The following PXDNL variants were observed in gnomAD, a reference collection of about 807,000 sequenced individuals.
PXDNL encodes probable oxidoreductase PXDNL.
Under a neutral mutation model 150.8 loss-of-function variants are expected in PXDNL, and 145 were observed. The ratio of observed to expected loss-of-function variants is 0.96; its 90% CI spans 0.84 to 1.10. The LOEUF (loss-of-function observed/expected upper bound fraction) is 1.10, where lower values mean the gene tolerates loss of function less well. PXDNL is among the 50% of genes least tolerant of loss of function. PXDNL has a pLI of 0.00. For synonymous variants in PXDNL, 757 were observed against 725.7 expected (o/e 1.04, Z -0.69); for missense variants, 2,087 against 1,873.9 (o/e 1.11, Z -2.10).
At chr8:51,486,790 A>T (rs1384789736) in intron 5 of PXDNL, among the ~76,000 whole-genome samples, 518 of 23,908 alleles carry the variant, frequency 0.022, 58 homozygotes, top group African/African-American at 0.051. Context: ...ATATATATAT[A>T]TATATTTTTT....
At chr8:51,690,221 C>T (rs1815961412) in intron 1 of PXDNL, among the ~76,000 whole-genome samples, 1 of 151,978 alleles carries the variant, frequency 6.6e-6, no homozygotes, top group Non-Finnish European at 1.5e-5. Context: ...GCACAATGTG[C>T]AGGTTAGTTA....
At chr8:51,632,606 A>G (rs1262077546) in intron 2 of PXDNL, among the ~76,000 whole-genome samples, 1 of 152,186 alleles carries the variant, frequency 6.6e-6, no homozygotes, top group Non-Finnish European at 1.5e-5. Context: ...TCAATCAATC[A>G]ATCAATAAAG....
At chr8:51,605,939 G>A (rs1009108417) in intron 2 of PXDNL, among the ~76,000 whole-genome samples, 2 of 152,134 alleles carry the variant, frequency 1.3e-5, no homozygotes, top group South Asian at 2.1e-4. Context: ...CACATTACGA[G>A]GCAGCAAGAA....
chr8:51,591,483 T>C (rs1030361796), intron 3 of PXDNL, among the ~76,000 whole-genome samples: 3 of 140,072 alleles, frequency 2.1e-5, no homozygotes, highest in African/African-American at 5.0e-5. Context: ...TTTCGGGAGA[T>C]ACTACAGTTG....
At chr8:51,492,708 A>C (rs527684012) in intron 5 of PXDNL, among the ~76,000 whole-genome samples, 13 of 152,204 alleles carry the variant, frequency 8.5e-5, no homozygotes, top group Admixed American at 7.9e-4. Context: ...CTCAGATCAA[A>C]CTGCAAGGAG....
chr8:51,766,399 T>C (rs1389485613), intron 1 of PXDNL, among the ~76,000 whole-genome samples: 2 of 152,240 alleles, frequency 1.3e-5, no homozygotes, highest in East Asian at 1.9e-4. Flanking sequence ...AAAAATAAAT[T>C]TACACTTTTA....
chr8:51,350,519 T>A (rs1359318149), intron 19 of PXDNL, among the ~76,000 whole-genome samples: 1 of 151,960 alleles, frequency 6.6e-6, no homozygotes, highest in African/African-American at 2.4e-5. Flanking sequence ...ACTACCCGGC[T>A]AATTTTTGTA....
intron 19 of PXDNL, among the ~76,000 whole-genome samples, chr8:51,370,549 C>A (rs369137727): frequency 6.6e-6 from 1 of 152,192 alleles, no homozygotes; most frequent in Admixed American, 6.5e-5. Context: ...CCCCGGGGTA[C>A]CACATTCCTT....
chr8:51,609,652 A>C (rs1473763960), intron 2 of PXDNL, among the ~76,000 whole-genome samples: 1 of 152,242 alleles, frequency 6.6e-6, no homozygotes, highest in Non-Finnish European at 1.5e-5. Context: ...TGGAAGGATA[A>C]ATCCAAGAAC....
chr8:51,490,232 T>G (rs941910627), intron 5 of PXDNL, among the ~76,000 whole-genome samples: 1 of 152,170 alleles, frequency 6.6e-6, no homozygotes, highest in Non-Finnish European at 1.5e-5. Flanking sequence ...AAGACAATTA[T>G]TTTTGAAGTG....
intron 1 of PXDNL, among the ~76,000 whole-genome samples, chr8:51,769,847 T>C (rs1450323249): frequency 6.6e-6 from 1 of 152,228 alleles, no homozygotes; most frequent in Non-Finnish European, 1.5e-5. Flanking sequence ...AAATGTTTGC[T>C]TAAGGTGTTT....
intron 1 of PXDNL, among the ~76,000 whole-genome samples, chr8:51,665,655 T>A (rs1044546229): frequency 6.6e-6 from 1 of 152,210 alleles, no homozygotes; most frequent in Admixed American, 6.5e-5. Flanking sequence ...TTATGGCTCA[T>A]AATTGGCGAA....
chr8:51,690,530 T>G lies in PXDNL; in HGVS notation c.165-35770A>C, dbSNP rs571169534. On this transcript the variant is annotated intron_variant, in intron 1 of 22. Coordinates refer to ENST00000356297, the MANE Select transcript of PXDNL (RefSeq NM_144651.5). Reference sequence around the variant, plus strand: ...TTTGTTATGGCTGCATAGTATTCCATGGTGTATATGTGCCACATTTTCTTA... The same window carrying G: ...TTTGTTATGGCTGCATAGTATTCCAGGGTGTATATGTGCCACATTTTCTTA... Among the ~76,000 whole-genome samples the G allele has an allele frequency of 6.5e-4, 99 of 152,266 alleles. 1 individual carries two copies. In the East Asian group the frequency reaches 0.012, roughly 19 times the overall value.
chr8:51,633,803 G>C (rs1238977880), intron 2 of PXDNL, among the ~76,000 whole-genome samples: 1 of 152,090 alleles, frequency 6.6e-6, no homozygotes, highest in Non-Finnish European at 1.5e-5. Flanking sequence ...GTCTGTTCAT[G>C]TTCTTTGTTC....
chr8:51,732,560 C>T (rs374545145), intron 1 of PXDNL, among the ~76,000 whole-genome samples: 7 of 152,208 alleles, frequency 4.6e-5, no homozygotes, highest in South Asian at 2.1e-4. Context: ...TACAACAGCG[C>T]CCCACTCTAC....
chr8:51,408,298 G>A lies in PXDNL; in HGVS notation c.3326C>T (p.Ala1109Val), dbSNP rs201570845. ...PVLRGLFGVAAKWRAPSYLLS... is the reference protein window; with the variant it reads ...PVLRGLFGVAVKWRAPSYLLS... ...AAGGTAGGAGGGTGCCCGCCATTTAGCAGCCACGCCAAACAGCCCCCGGAG... is the reference window on the plus strand; with the variant it reads ...AAGGTAGGAGGGTGCCCGCCATTTAACAGCCACGCCAAACAGCCCCCGGAG... The change falls in exon 17 of 23, where the codon GCT (alanine) becomes GTT (valine). Residue 1109 changes from alanine (A) to valine (V), a missense_variant. Physicochemically the swap from Ala to Val is moderately conservative, Grantham distance 64. Transcript: ENST00000356297. The A allele has an allele frequency of 5.3e-5, 85 of 1,613,964 alleles. 1 individual carries two copies. The highest frequency in any genetic ancestry group is 8.8e-5 in the South Asian group (8 of 91,086).
At chr8:51,579,018 TAGG>T (rs1171074751) in intron 3 of PXDNL, among the ~76,000 whole-genome samples, 2 of 152,008 alleles carry the variant, frequency 1.3e-5, no homozygotes, top group Non-Finnish European at 2.9e-5. Flanking sequence ...GAAAAAAAGT[TAGG>T]AGAAAATCTT....
At chr8:51,547,528 A>G (rs75212701) in intron 4 of PXDNL, among the ~76,000 whole-genome samples, 2,232 of 152,282 alleles carry the variant, frequency 0.015, 54 homozygotes, top group African/African-American at 0.049. Flanking sequence ...CTCTTTGCAG[A>G]CATTCTCCAG....
intron 2 of PXDNL, among the ~76,000 whole-genome samples, chr8:51,645,543 C>G (rs543104595): frequency 6.6e-6 from 1 of 152,168 alleles, no homozygotes; most frequent in East Asian, 1.9e-4. Context: ...GGCAGTGAAG[C>G]CAGAGTGACT....
Sources: gnomAD v4.1 joint callset for allele counts (sites outside exome capture counted in the v4.1 genomes callset) on GRCh38, gnomAD v4.1.1 for gene constraint, MANE v1.5 for transcripts, NCBI Gene and HGNC (gene_info 2026-07-23, HGNC 2026-07-21) for gene names.